The following CACNA1G variants were observed in gnomAD, a reference collection of about 807,000 sequenced individuals.
CACNA1G encodes the protein voltage-dependent T-type calcium channel subunit alpha-1G.
CACNA1G carries 67 observed loss-of-function variants against 219.4 expected under a neutral mutation model. The ratio of observed to expected loss-of-function variants is 0.31; its 90% CI spans 0.25 to 0.37. CACNA1G has a LOEUF of 0.37. Among genes scored for constraint, CACNA1G ranks in the 10% least tolerant of loss-of-function variants. The pLI, the probability that CACNA1G is intolerant of heterozygous loss-of-function variation, is 1.00. For synonymous variants in CACNA1G, 1,296 were observed against 1,345.3 expected (o/e 0.96, Z 0.80); for missense variants, 2,380 against 3,231.4 (o/e 0.74, Z 6.39).
intron 16 of CACNA1G, among the ~76,000 whole-genome samples, chr17:50,598,189 G>A (rs1183615552): frequency 1.3e-5 from 2 of 152,104 alleles, no homozygotes; most frequent in African/African-American, 4.8e-5. Context: ...CACCATGTCC[G>A]GCTAATTTTT....
chr17:50,570,557 CTGTGTGTG>C (rs3062844), intron 4 of CACNA1G, among the ~76,000 whole-genome samples: 3 of 132,614 alleles, frequency 2.3e-5, no homozygotes, highest in South Asian at 2.8e-4. Context: ...CCCCTGCGCT[CTGTGTGTG>C]TGTGTGTGTG....
Position 50,600,701 on chromosome 17 carries a change from T to C in CACNA1G, c.3691-25T>C. 6.2e-7 allele frequency: 1 copy of C among 1,605,236 alleles called. No homozygotes were observed. The highest frequency in any genetic ancestry group is 8.5e-7 in the Non-Finnish European group (1 of 1,172,186). On this transcript the variant is annotated intron_variant, in intron 17 of 37. Transcript: ENST00000359106. The surrounding 1 kb of genome is among the most constrained non-coding windows in gnomAD (Gnocchi z 4.1). ...GGGGAACCTGGAGGCCTGGTCCTGC[T>C]CATACTCCAGTGTTTGTTCTGCAGA...
In CACNA1G at chr17:50,626,068, G is replaced by A. The variant is rs2053733886; in HGVS notation, c.6451G>A (p.Asp2151Asn). Residue 2151 changes from aspartate (D) to asparagine (N), a missense_variant, in exon 38 of 38, where the codon GAC becomes AAC. Coordinates refer to ENST00000359106, the MANE Select transcript of CACNA1G (RefSeq NM_018896.5). This position sits in a 1 kb window ranked among gnomAD's most constrained non-coding sequence, Gnocchi z 4.3. ...LDVQGLGSREDLLAEVSGPSP... is the reference protein window; with the variant it reads ...LDVQGLGSRENLLAEVSGPSP... ...CGTTCAGGGTCTGGGCAGCCGGGAA[G>A]ACCTGCTGGCAGAGGTGAGTGGGCC... 1.9e-6 allele frequency: 3 copies of A among 1,613,450 alleles called. No individual in the cohort carries two copies. Among genetic ancestry groups the A allele is most frequent in the Non-Finnish European group, 2.5e-6 (3 of 1,179,780 alleles).
At position 50,617,131 on chromosome 17, in the gene CACNA1G, G is replaced by A. The variant is rs891471677; in HGVS notation, c.5022-307G>A. On this transcript the variant is annotated intron_variant, in intron 28 of 37. Coordinates refer to ENST00000359106, the MANE Select transcript of CACNA1G (RefSeq NM_018896.5). This position sits in a 1 kb window ranked among gnomAD's most constrained non-coding sequence, Gnocchi z 5.8. ...CCCAAAGTGTTGGGACTGCAGGTGTGAGTTCCTATTTGTAAAGCTCTTAAA... is the reference window on the plus strand; with the variant it reads ...CCCAAAGTGTTGGGACTGCAGGTGTAAGTTCCTATTTGTAAAGCTCTTAAA... 4.6e-5 allele frequency among the ~76,000 whole-genome samples: 7 copies of A among 152,374 alleles called. No homozygotes were observed. The East Asian group carries it at 1.3e-3, about 29-fold the overall frequency.
Position 50,596,760 on chromosome 17 carries a change from GGAA to G in CACNA1G, c.3098_3100del (p.Lys1033del). The G allele has an allele frequency of 1.9e-6, 3 of 1,613,054 alleles. No homozygotes were observed. Among genetic ancestry groups the G allele is most frequent in the Non-Finnish European group, 2.5e-6 (3 of 1,179,798 alleles). On this transcript the variant is annotated inframe_deletion, in exon 16 of 38. Transcript: ENST00000359106. This position sits in a 1 kb window ranked among gnomAD's most constrained non-coding sequence, Gnocchi z 4.8. ...TCCCTGGGAGAGCACCCGGAGCTGC[GGAA>G]GAGCCTGCTGCCGCCTCTCATCATC...
In CACNA1G at chr17:50,591,409, G is replaced by T. The variant is rs556227586; in HGVS notation, c.2454-26G>T. On this transcript the variant is annotated intron_variant, in intron 10 of 37. Coordinates refer to ENST00000359106, the MANE Select transcript of CACNA1G (RefSeq NM_018896.5). The stretch of plus-strand genomic sequence containing the variant: ...GGGGGAGAGGGTGAAGGTGCAGGGG[G>T]CTCAGGCTGCCTGCCCCCTTTGCAG... The T allele has an allele frequency of 2.7e-5, 41 of 1,512,844 alleles. No homozygotes were observed. The African/African-American group carries it at 5.3e-4, about 20-fold the overall frequency. 93.7% of individuals were successfully genotyped at this position (1,512,844 alleles called of 1,614,324 possible).
At chr17:50,614,487 G>GC (rs1460517876) in intron 26 of CACNA1G, among the ~76,000 whole-genome samples, 1 of 152,176 alleles carries the variant, frequency 6.6e-6, no homozygotes, top group African/African-American at 2.4e-5. Context: ...CTGGAAGAGG[G>GC]CCCCCCTGAA....
At position 50,603,506 on chromosome 17, in the gene CACNA1G, C is replaced by T. The variant is rs1041161677; in HGVS notation, c.4169+307C>T. 1.3e-5 allele frequency among the ~76,000 whole-genome samples: 2 copies of T among 152,166 alleles called. No individual in the cohort carries two copies. The highest frequency in any genetic ancestry group is 2.9e-5 in the Non-Finnish European group (2 of 68,034). On this transcript the variant is annotated intron_variant, in intron 21 of 37. Transcript: ENST00000359106. The surrounding 1 kb of genome is among the most constrained non-coding windows in gnomAD (Gnocchi z 6.4). Reference sequence around the variant, plus strand: ...ACAGCACAAGGGGCCACGAGCAGGACTCTCACAGTCTTCAGCTGCGGCTCT... The same window carrying T: ...ACAGCACAAGGGGCCACGAGCAGGATTCTCACAGTCTTCAGCTGCGGCTCT...
At chr17:50,624,226 G>A (rs1203411319) in intron 36 of CACNA1G, 134 bp from the exon 37 acceptor site, 3 of 1,253,622 alleles carry the variant, frequency 2.4e-6, no homozygotes, top group African/African-American at 1.5e-5. Flanking sequence ...ATGGCTTTGA[G>A]TCCAGGGGGT....
intron 1 of CACNA1G, among the ~76,000 whole-genome samples, chr17:50,567,457 G>A (rs1478380482): frequency 6.6e-6 from 1 of 152,044 alleles, no homozygotes; most frequent in East Asian, 1.9e-4. Context: ...AACAGAGATG[G>A]GCTATGGCTG....
In CACNA1G at chr17:50,626,634, C is replaced by T; in HGVS notation, c.7017C>T (p.Asp2339=). ...TCCGGAGGAGGGCTCCGTCCAGCGACTCCAAGGATCCCTTGGCCTCTGGCC... is the reference window on the plus strand; with the variant it reads ...TCCGGAGGAGGGCTCCGTCCAGCGATTCCAAGGATCCCTTGGCCTCTGGCC... ...ICLRRRAPSS[D]SKDPLASGPP... Residue 2339 remains aspartate (D), a synonymous_variant, in exon 38 of 38, where the codon GAC becomes GAT. Coordinates refer to ENST00000359106, the MANE Select transcript of CACNA1G (RefSeq NM_018896.5). This position sits in a 1 kb window ranked among gnomAD's most constrained non-coding sequence, Gnocchi z 4.3. The T allele has an allele frequency of 6.2e-7, 1 of 1,613,282 alleles. No individual in the cohort carries two copies. Among genetic ancestry groups the T allele is most frequent in the Non-Finnish European group, 8.5e-7 (1 of 1,179,858 alleles).
chr17:50,608,542 A>G (rs1221933224), intron 25 of CACNA1G, among the ~76,000 whole-genome samples: 2 of 150,700 alleles, frequency 1.3e-5, no homozygotes, highest in Non-Finnish European at 3.0e-5. Flanking sequence ...ATATATATAT[A>G]TATATATTTC....
chr17:50,569,577 C>G (rs1427625650), intron 3 of CACNA1G, 129 bp from the exon 4 acceptor site: 1 of 711,968 alleles, frequency 1.4e-6, no homozygotes, highest in African/African-American at 1.8e-5. Flanking sequence ...TCTTCAGGGT[C>G]CCTTGGTGAA....
chr17:50,616,550 T>G (rs1237481600), intron 28 of CACNA1G, among the ~76,000 whole-genome samples, 166 bp downstream of exon 28: 1 of 151,982 alleles, frequency 6.6e-6, no homozygotes, highest in Non-Finnish European at 1.5e-5. Flanking sequence ...GAAGGCATGG[T>G]CTCCAGGACC....
chr17:50,623,950 CTG>C lies in CACNA1G; in HGVS notation c.6107_6108del (p.Val2036AlafsTer14). 6.2e-7 allele frequency: 1 copy of C among 1,613,320 alleles called. No individual in the cohort carries two copies. Among genetic ancestry groups the C allele is most frequent in the Non-Finnish European group, 8.5e-7 (1 of 1,179,814 alleles). On this transcript the variant is annotated frameshift_variant, in exon 36 of 38. Coordinates refer to ENST00000359106, the MANE Select transcript of CACNA1G (RefSeq NM_018896.5). LOFTEE classifies it high-confidence loss of function. The stretch of plus-strand genomic sequence containing the variant: ...GAGCTGCCAGGACCAGACTTACTGA[CTG>C]TGCGGAAGTCTGGGGTCAGCCGAAC...
chr17:50,592,130 C>T (rs2044454774), intron 13 of CACNA1G, 38 bp downstream of exon 13: 1 of 1,573,030 alleles, frequency 6.4e-7, no homozygotes, highest in Admixed American at 1.8e-5. Flanking sequence ...CTGCCCACAG[C>T]AGTCCCACTT....
intron 13 of CACNA1G, among the ~76,000 whole-genome samples, chr17:50,594,640 C>A (rs1478966360): frequency 1.3e-5 from 2 of 152,186 alleles, no homozygotes; most frequent in African/African-American, 4.8e-5. Flanking sequence ...CTGGAACCCA[C>A]TTCCTACCTT....
intron 14 of CACNA1G, 39 bp downstream of exon 14, chr17:50,595,100 C>G: frequency 2.0e-6 from 3 of 1,493,334 alleles, no homozygotes; most frequent in Non-Finnish European, 2.7e-6. Flanking sequence ...CTCCCGTGCC[C>G]CATGCCCGTG....
intron 9 of CACNA1G, among the ~76,000 whole-genome samples, chr17:50,584,728 G>T (rs2042666754): frequency 6.8e-6 from 1 of 146,248 alleles, no homozygotes; most frequent in African/African-American, 2.8e-5. Context: ...AGAGCTCTTT[G>T]GAGGAGGGAC....
Sources: allele counts gnomAD v4.1 joint callset (sites outside exome capture counted in the v4.1 genomes callset), GRCh38; gene constraint gnomAD v4.1.1; non-coding constraint Gnocchi (gnomAD v3.1); transcripts MANE v1.5; gene names NCBI Gene and HGNC (gene_info 2026-07-23, HGNC 2026-07-21).